ACAP2: variants seen among roughly 807,000 people sequenced by gnomAD.
The protein encoded by ACAP2 is arf-GAP with coiled-coil, ANK repeat and PH domain-containing protein 2.
Under a neutral mutation model 115.8 loss-of-function variants are expected in ACAP2, and 39 were observed. The ratio of observed to expected loss-of-function variants is 0.34; its 90% confidence interval spans 0.26 to 0.44. The LOEUF (loss-of-function observed/expected upper bound fraction) is 0.44. Among genes scored for constraint, ACAP2 ranks in the 20% least tolerant of loss-of-function variants. The pLI is 1.00. For synonymous variants in ACAP2, 289 were observed against 315.8 expected (o/e 0.92, Z 0.90); for missense variants, 662 against 927.6 (o/e 0.71, Z 3.72).
chr3:195,355,603 GAAT>G (rs1339985976), intron 4 of ACAP2, among the ~76,000 whole-genome samples: 2 of 152,134 alleles, frequency 1.3e-5, no homozygotes, highest in African/African-American at 2.4e-5. Flanking sequence ...AAAGTGCATA[GAAT>G]AATATATGAC....
At chr3:195,351,514 T>C (rs74871068) in intron 4 of ACAP2, among the ~76,000 whole-genome samples, 3,324 of 147,376 alleles carry the variant, frequency 0.023, 111 homozygotes, top group East Asian at 0.11. Context: ...CACCCTGGAG[T>C]GCAGTGGCGT....
chr3:195,290,849 T>TAAATAATAAATAAATA (rs1553843260), intron 20 of ACAP2, among the ~76,000 whole-genome samples: 1 of 134,192 alleles, frequency 7.5e-6, no homozygotes, highest in South Asian at 2.4e-4. Flanking sequence ...AATAAATAAA[T>TAAATAATAAATAAATA]AATAAATAAA....
intron 4 of ACAP2, among the ~76,000 whole-genome samples, chr3:195,352,016 A>G (rs952431172): frequency 2.0e-5 from 3 of 152,226 alleles, no homozygotes; most frequent in African/African-American, 7.2e-5. Flanking sequence ...TTCTTTACAG[A>G]TATTAACACT....
chr3:195,365,374 TC>T (rs2108709264), intron 4 of ACAP2, among the ~76,000 whole-genome samples: 1 of 152,150 alleles, frequency 6.6e-6, no homozygotes, highest in South Asian at 2.1e-4. Flanking sequence ...ATATCACATA[TC>T]CCCTAAATAC....
At chr3:195,347,473 C>G (rs1731259225) in intron 4 of ACAP2, among the ~76,000 whole-genome samples, 2 of 152,022 alleles carry the variant, frequency 1.3e-5, no homozygotes, top group South Asian at 4.1e-4. Flanking sequence ...AATATGATTC[C>G]ATTTATATGA....
intron 4 of ACAP2, among the ~76,000 whole-genome samples, chr3:195,350,995 A>C (rs1340514887): frequency 6.6e-6 from 1 of 152,146 alleles, no homozygotes; most frequent in Non-Finnish European, 1.5e-5. Context: ...CAATAAACTG[A>C]CTTCATAAAA....
At chr3:195,353,349 G>C (rs1227472026) in intron 4 of ACAP2, among the ~76,000 whole-genome samples, 1 of 152,158 alleles carries the variant, frequency 6.6e-6, no homozygotes, top group African/African-American at 2.4e-5. Context: ...CAAATAATCT[G>C]TTATACAGCA....
chr3:195,360,665 G>A (rs1013196332), intron 4 of ACAP2, among the ~76,000 whole-genome samples: 4 of 152,216 alleles, frequency 2.6e-5, no homozygotes, highest in African/African-American at 7.2e-5. Flanking sequence ...GTGGTGGCAC[G>A]TGCCTGTAAT....
intron 4 of ACAP2, among the ~76,000 whole-genome samples, chr3:195,356,762 G>T (rs1233397176): frequency 6.6e-6 from 1 of 151,894 alleles, no homozygotes; most frequent in Admixed American, 6.6e-5. Context: ...GAAGGATCAA[G>T]TCCAGGAAGA....
intron 1 of ACAP2, chr3:195,442,425 A>G: frequency 5.7e-6 from 2 of 352,712 alleles, no homozygotes; most frequent in Non-Finnish European, 1.0e-5. Context: ...AGGAAGGGGG[A>G]AGGAAGAGCA....
At chr3:195,334,268 C>G (rs928780051) in intron 7 of ACAP2, among the ~76,000 whole-genome samples, 3 of 148,490 alleles carry the variant, frequency 2.0e-5, no homozygotes, top group African/African-American at 7.4e-5. Flanking sequence ...GGATAAAACT[C>G]AGAAGAGGAA....
At chr3:195,291,651 A>G in intron 20 of ACAP2, 55 bp downstream of exon 20, 1 of 1,469,896 alleles carries the variant, frequency 6.8e-7, no homozygotes. Flanking sequence ...TAAAACATTA[A>G]TTCAAAATAA....
chr3:195,406,570 G>T (rs1172381250), intron 1 of ACAP2, among the ~76,000 whole-genome samples: 2 of 152,136 alleles, frequency 1.3e-5, no homozygotes, highest in Non-Finnish European at 2.9e-5. Flanking sequence ...GGCCTCAAGT[G>T]ATCCTCCCAC....
In ACAP2 at chr3:195,301,995, G is replaced by C; in HGVS notation, c.1296C>G (p.Thr432=). The stretch of plus-strand genomic sequence containing the variant: ...GAATTCCGGAGCACTCGATACACAA[G>C]GTGATGCCCAGGTTGATGCTGGCCC... ...PRWASINLGI[T]LCIECSGIHR... is the part of the protein sequence containing the mutation. Residue 432 remains threonine (T), a synonymous_variant, in exon 14 of 23, where the codon ACC becomes ACG. Transcript: ENST00000326793. 1 of 1,613,718 alleles carries C rather than the reference G, an allele frequency of 6.2e-7. No individual in the cohort carries two copies. Among genetic ancestry groups the C allele is most frequent in the Non-Finnish European group, 8.5e-7 (1 of 1,180,030 alleles).
At chr3:195,366,677 T>C (rs1322707403) in intron 4 of ACAP2, among the ~76,000 whole-genome samples, 1 of 152,236 alleles carries the variant, frequency 6.6e-6, no homozygotes, top group African/African-American at 2.4e-5. Flanking sequence ...AAATTACTAA[T>C]GCCTGCTTCT....
rs1160492256 is a variant in ACAP2, at chr3:195,351,117, C to CTTTTT, written c.286-5805_286-5801dup. ...AACTCAGTAAATATGAAGATAAATC[C>CTTTTT]TTTTTTTTTTTTGGGCGGGGGACAG... On this transcript the variant is annotated intron_variant, in intron 4 of 22. Transcript: ENST00000326793. Among the ~76,000 whole-genome samples the CTTTTT allele has an allele frequency of 1.4e-3, 154 of 107,344 alleles. 2 individuals carry two copies. The highest frequency in any genetic ancestry group is 4.7e-3 in the African/African-American group (145 of 31,054). The allele number at this position is 107,344 out of a possible 152,430, so 70.4% of individuals were successfully genotyped here.
At chr3:195,377,847 G>A (rs1250155977) in intron 4 of ACAP2, among the ~76,000 whole-genome samples, 1 of 151,998 alleles carries the variant, frequency 6.6e-6, no homozygotes, top group Non-Finnish European at 1.5e-5. Flanking sequence ...TGGACTTCTG[G>A]GTATAGTGTC....
At chr3:195,291,911 T>C (rs1216541017) in intron 19 of ACAP2, 96 bp from the exon 20 acceptor site, 15 of 1,029,194 alleles carry the variant, frequency 1.5e-5, no homozygotes, top group East Asian at 1.1e-4. Flanking sequence ...GTTACTCAAA[T>C]AGCATTTCCA....
At chr3:195,362,241 C>T (rs764160722) in intron 4 of ACAP2, among the ~76,000 whole-genome samples, 10 of 149,908 alleles carry the variant, frequency 6.7e-5, no homozygotes, top group East Asian at 4.0e-4. Context: ...GATTGAACCT[C>T]GGAGACAGAG....
Sources: allele counts gnomAD v4.1 joint callset (sites outside exome capture counted in the v4.1 genomes callset), GRCh38; gene constraint gnomAD v4.1.1; transcripts MANE v1.5; gene names NCBI Gene and HGNC (gene_info 2026-07-23, HGNC 2026-07-21).